Variants in PARP8 observed in about 807,000 individuals in gnomAD.
The protein encoded by PARP8 is protein mono-ADP-ribosyltransferase PARP8.
In PARP8, 51 loss-of-function variants were observed where a neutral mutation model predicts 124.1. The observed-to-expected ratio is 0.41, with a 90% CI of 0.33 to 0.52. PARP8 has a LOEUF of 0.52. Ranked by LOEUF, PARP8 falls within the 20% of genes least tolerant of loss-of-function variation. The pLI is 0.21. For missense variants in PARP8, 860 were observed against 1,018.9 expected (o/e 0.84, Z 2.12); for synonymous variants, 391 against 361.5 (o/e 1.08, Z -0.93).
At chr5:50,667,260 G>T in intron 1 of PARP8, 74 bp downstream of exon 1, 2 of 1,465,974 alleles carry the variant, frequency 1.4e-6, no homozygotes, top group Non-Finnish European at 1.9e-6. Context: ...GTCTGTGGCT[G>T]GGGGTGGGGT....
chr5:50,666,016 C>G (rs1482380417), upstream of PARP8: 1 of 152,172 alleles, frequency 6.6e-6, no homozygotes, highest in East Asian at 1.9e-4. Flanking sequence ...CTGGAACGTG[C>G]CAGTTGATTC....
rs532360955 is a variant in PARP8 at position 50,770,566 on chromosome 5, AAAG to A, written c.518+7328_518+7330del. 3.3e-3 allele frequency among the ~76,000 whole-genome samples: 501 copies of A among 152,076 alleles called. 7 individuals carry two copies. The highest frequency in any genetic ancestry group is 0.012 in the South Asian group (60 of 4,810). Reference sequence around the variant, plus strand: ...GAGAGAGAGAGAGCAAGAGAGAAGAAAAGAAGGAAAGAAGGAAAAAAGAAAGAG... The same window carrying A: ...GAGAGAGAGAGAGCAAGAGAGAAGAAAAGGAAAGAAGGAAAAAAGAAAGAG... On this transcript the variant is annotated intron_variant, in intron 7 of 25. Transcript: ENST00000281631.
intron 2 of PARP8, among the ~76,000 whole-genome samples, chr5:50,714,865 G>A (rs1329087410): frequency 2.0e-5 from 3 of 152,176 alleles, no homozygotes; most frequent in Admixed American, 1.3e-4. Context: ...ATCCTTAGCT[G>A]TCATTCCTGT....
At chr5:50,821,737 G>T (rs1217403873) in intron 16 of PARP8, among the ~76,000 whole-genome samples, 3 of 152,180 alleles carry the variant, frequency 2.0e-5, no homozygotes, top group Non-Finnish European at 4.4e-5. Flanking sequence ...CTTTCAAATT[G>T]CATAAGAGCT....
chr5:50,674,674 A>T (rs921165440), intron 2 of PARP8, among the ~76,000 whole-genome samples: 5 of 152,120 alleles, frequency 3.3e-5, no homozygotes, highest in Non-Finnish European at 7.3e-5. Context: ...CCTAACATCT[A>T]CATGCTTCTG....
At chr5:50,729,958 T>C (rs1197384298) in intron 2 of PARP8, among the ~76,000 whole-genome samples, 1 of 152,228 alleles carries the variant, frequency 6.6e-6, no homozygotes, top group African/African-American at 2.4e-5. Flanking sequence ...AAGGGAGCTA[T>C]ATGCATTTGA....
At chr5:50,700,283 T>C (rs1442258657) in intron 2 of PARP8, among the ~76,000 whole-genome samples, 2 of 152,234 alleles carry the variant, frequency 1.3e-5, no homozygotes, top group Non-Finnish European at 2.9e-5. Context: ...ATGGTTTTCC[T>C]CTTTGAAATT....
At chr5:50,775,325 T>C (rs1739866724) in intron 7 of PARP8, among the ~76,000 whole-genome samples, 1 of 152,088 alleles carries the variant, frequency 6.6e-6, no homozygotes, top group South Asian at 2.1e-4. Flanking sequence ...GAGGCCGAGG[T>C]GGGCAGATCA....
intron 9 of PARP8, among the ~76,000 whole-genome samples, chr5:50,788,203 T>C (rs1444145138): frequency 7.0e-6 from 1 of 143,742 alleles, no homozygotes; most frequent in Non-Finnish European, 1.5e-5. Context: ...TAATGTATAA[T>C]ATATATTATT....
At chr5:50,821,512 C>T (rs1471849924) in intron 16 of PARP8, among the ~76,000 whole-genome samples, 174 bp downstream of exon 16, 1 of 152,144 alleles carries the variant, frequency 6.6e-6, no homozygotes, top group Admixed American at 6.5e-5. Flanking sequence ...TACATAACCT[C>T]ATTTTGATTT....
At chr5:50,788,253 A>G (rs148865499) in intron 9 of PARP8, among the ~76,000 whole-genome samples, 1,963 of 147,614 alleles carry the variant, frequency 0.013, 21 homozygotes, top group Middle Eastern at 0.043. Context: ...ATAATGTATA[A>G]TGTATACAAT....
intron 2 of PARP8, among the ~76,000 whole-genome samples, chr5:50,737,012 G>A (rs951059833): frequency 4.6e-5 from 7 of 152,094 alleles, no homozygotes; most frequent in Non-Finnish European, 8.8e-5. Context: ...CTTGAGGCTA[G>A]AAAAACAAAA....
At chr5:50,767,278 A>G (rs1343804649) in intron 7 of PARP8, among the ~76,000 whole-genome samples, 29 of 152,234 alleles carry the variant, frequency 1.9e-4, no homozygotes, top group Non-Finnish European at 5.9e-5. Flanking sequence ...ACATAGATGT[A>G]TATCATTCAT....
intron 19 of PARP8, 118 bp from the exon 20 acceptor site, chr5:50,827,826 G>A: frequency 2.8e-6 from 2 of 721,404 alleles, no homozygotes; most frequent in Non-Finnish European, 2.3e-6. Context: ...GTGGTTAGTG[G>A]AAAATTACTA....
rs577869410 is a variant in PARP8, at chr5:50,780,325, T to C, written c.670+1675T>C. ...TGATTTGAAATATACTAATTTGATT[T>C]TATTTTAATGGTGGTTAAAAGAAAA... On this transcript the variant is annotated intron_variant, in intron 9 of 25. Transcript: ENST00000281631. Among the ~76,000 whole-genome samples, 14 of 152,314 alleles carry C rather than the reference T, an allele frequency of 9.2e-5. No homozygotes were observed. In the South Asian group the frequency reaches 2.9e-3, roughly 32 times the overall value.
At chr5:50,770,272 G>A (rs1761470909) in intron 7 of PARP8, among the ~76,000 whole-genome samples, 1 of 151,992 alleles carries the variant, frequency 6.6e-6, no homozygotes, top group Non-Finnish European at 1.5e-5. Context: ...TATTTTCTTA[G>A]GATTAACTTC....
At chr5:50,703,967 G>A (rs1398667724) in intron 2 of PARP8, among the ~76,000 whole-genome samples, 1 of 151,836 alleles carries the variant, frequency 6.6e-6, no homozygotes, top group Non-Finnish European at 1.5e-5. Context: ...GAAAGCACCT[G>A]CTATATACAG....
At chr5:50,803,718 A>G (rs1487212735) in intron 14 of PARP8, among the ~76,000 whole-genome samples, 1 of 152,076 alleles carries the variant, frequency 6.6e-6, no homozygotes, top group Non-Finnish European at 1.5e-5. Flanking sequence ...TTTAGATATG[A>G]TATTCTTTAG....
intron 25 of PARP8, among the ~76,000 whole-genome samples, chr5:50,837,904 T>C (rs1747760538): frequency 6.6e-6 from 1 of 152,114 alleles, no homozygotes. Flanking sequence ...ATAGATCAGA[T>C]GTTATGAACA....
Sources: gnomAD v4.1 joint callset for allele counts (sites outside exome capture counted in the v4.1 genomes callset) on GRCh38, gnomAD v4.1.1 for gene constraint, MANE v1.5 for transcripts, NCBI Gene and HGNC (gene_info 2026-07-23, HGNC 2026-07-21) for gene names.